Variants in MND1 observed in about 807,000 individuals in gnomAD.
MND1 encodes the protein meiotic nuclear divisions 1.
Under a neutral mutation model 35.1 loss-of-function variants are expected in MND1, and 28 were observed. The ratio of observed to expected loss-of-function variants is 0.80; its 90% confidence interval spans 0.59 to 1.09. The LOEUF (loss-of-function observed/expected upper bound fraction) is 1.09. MND1 is among the 50% of genes least tolerant of loss of function. The pLI is 0.00. For synonymous variants in MND1, 69 were observed against 70.5 expected (o/e 0.98, Z 0.11); for missense variants, 213 against 239.6 (o/e 0.89, Z 0.73).
At chr4:153,397,179 T>C (rs1729218222) in intron 5 of MND1, 40 bp from the exon 6 acceptor site, 3 of 1,395,698 alleles carry the variant, frequency 2.1e-6, no homozygotes, top group Non-Finnish European at 3.0e-6. Context: ...ATATAGAATT[T>C]TGTTTGTCTT....
chr4:153,393,532 T>C (rs560465276), intron 4 of MND1, among the ~76,000 whole-genome samples: 1 of 152,082 alleles, frequency 6.6e-6, no homozygotes, highest in Admixed American at 6.6e-5. Context: ...GCTCATGCCA[T>C]CACGCTTGGC....
intron 4 of MND1, 106 bp from the exon 5 acceptor site, chr4:153,394,156 G>T (rs1729133305): frequency 2.3e-6 from 2 of 884,818 alleles, no homozygotes; most frequent in Non-Finnish European, 3.6e-6. Context: ...TCGGCCTGGG[G>T]CGAGTGCTGG....
At chr4:153,397,466 A>G in intron 6 of MND1, 133 bp downstream of exon 6, 1 of 585,880 alleles carries the variant, frequency 1.7e-6, no homozygotes, top group Non-Finnish European at 2.9e-6. Context: ...TGTTTGTAGT[A>G]CTCTAATTTT....
At chr4:153,368,030 G>A (rs953814967) in intron 4 of MND1, among the ~76,000 whole-genome samples, 10 of 152,002 alleles carry the variant, frequency 6.6e-5, no homozygotes, top group African/African-American at 1.5e-4. Flanking sequence ...TCTCTTAAAC[G>A]TGATGCTGTA....
At chr4:153,391,278 C>T (rs929422854) in intron 4 of MND1, among the ~76,000 whole-genome samples, 11 of 152,022 alleles carry the variant, frequency 7.2e-5, no homozygotes, top group Non-Finnish European at 1.5e-4. Context: ...ATTCTTGTGC[C>T]TCAGCCTCTC....
intron 4 of MND1, among the ~76,000 whole-genome samples, chr4:153,359,152 A>G (rs1182061952): frequency 6.6e-6 from 1 of 152,220 alleles, no homozygotes; most frequent in Non-Finnish European, 1.5e-5. Flanking sequence ...AGTATTGTAC[A>G]GAATAGTTTC....
chr4:153,390,622 T>G (rs6535916), intron 4 of MND1, among the ~76,000 whole-genome samples: 50,307 of 151,868 alleles, frequency 0.33, 9,657 homozygotes, highest in African/African-American at 0.53. Context: ...CCAGGTGCAC[T>G]AATTGCTCGA....
chr4:153,350,216 A>G (rs919766930), intron 2 of MND1, 87 bp downstream of exon 2: 2 of 912,522 alleles, frequency 2.2e-6, no homozygotes, highest in African/African-American at 3.3e-5. Flanking sequence ...CCTCTTTGTT[A>G]AACATCAATA....
At chr4:153,370,186 A>G (rs1579915753) in intron 4 of MND1, among the ~76,000 whole-genome samples, 1 of 151,994 alleles carries the variant, frequency 6.6e-6, no homozygotes, top group Non-Finnish European at 1.5e-5. Context: ...GGAGGCTGAG[A>G]CAGGAGAATC....
intron 6 of MND1, among the ~76,000 whole-genome samples, chr4:153,404,766 A>T (rs542107346): frequency 1.8e-4 from 27 of 152,130 alleles, no homozygotes; most frequent in Non-Finnish European, 3.2e-4. Flanking sequence ...GGCATGAGCC[A>T]CCACACCTGG....
chr4:153,352,491 A>G (rs1003352568), intron 2 of MND1, among the ~76,000 whole-genome samples: 15 of 152,178 alleles, frequency 9.9e-5, no homozygotes, highest in African/African-American at 3.6e-4. Flanking sequence ...CTTAAAGAAG[A>G]TGATAATAGT....
In MND1 at chr4:153,348,676, C is replaced by CTTTGT. The variant is rs1773134566; in HGVS notation, c.4-1373_4-1369dup. 5.9e-5 allele frequency among the ~76,000 whole-genome samples: 9 copies of CTTTGT among 151,782 alleles called. No homozygotes were observed. The South Asian group carries it at 1.9e-3, about 32-fold the overall frequency. On this transcript the variant is annotated intron_variant, in intron 1 of 7. Coordinates refer to ENST00000240488, the MANE Select transcript of MND1 (RefSeq NM_032117.4). Reference sequence around the variant, plus strand: ...TGTTGTTTTTTTTTGTGTGTGTGGGCTTTGTTTTGTTTTGTTTTGAGACAG... The same window carrying CTTTGT: ...TGTTGTTTTTTTTTGTGTGTGTGGGCTTTGTTTTGTTTTGTTTTGTTTTGAGACAG...
rs781084424 is a variant in MND1 at position 153,360,901 on chromosome 4, G to A, written c.276+2279G>A. ...GTCACCCAGTCTGGAGTGTAGTGTC[G>A]CAAACATGGCTCACTGCAGCCTCGA... is the stretch of plus-strand genomic sequence containing the variant. On this transcript the variant is annotated intron_variant, in intron 4 of 7. Transcript: ENST00000240488. 1.1e-3 allele frequency among the ~76,000 whole-genome samples: 163 copies of A among 151,978 alleles called. 2 individuals carry two copies. Among genetic ancestry groups the A allele is most frequent in the South Asian group, 2.3e-3 (11 of 4,824 alleles).
rs371204962 is a variant in MND1 at position 153,391,755 on chromosome 4, T to C, written c.277-2507T>C. 2.1e-3 allele frequency among the ~76,000 whole-genome samples: 145 copies of C among 70,146 alleles called. No individual in the cohort carries two copies. The South Asian group carries it at 0.037, about 18-fold the overall frequency. The allele number at this position is 70,146 out of a possible 152,430, so 46.0% of individuals were successfully genotyped here. A position where few individuals can be genotyped will look rare whatever the true frequency, so the allele number is the denominator to read the frequency against. On this transcript the variant is annotated intron_variant, in intron 4 of 7. Transcript: ENST00000240488. ...ACACACACACACACACACACATACA[T>C]ACATATATATATCACACAGCAGATT... is the stretch of plus-strand genomic sequence containing the variant.
chr4:153,387,741 C>A (rs1409342484), intron 4 of MND1, among the ~76,000 whole-genome samples: 2 of 152,034 alleles, frequency 1.3e-5, no homozygotes, highest in Non-Finnish European at 2.9e-5. Context: ...CAGAACGAGA[C>A]CCTGTCACAA....
intron 4 of MND1, among the ~76,000 whole-genome samples, chr4:153,387,211 G>A (rs1214421326): frequency 2.0e-5 from 3 of 151,960 alleles, no homozygotes; most frequent in Non-Finnish European, 4.4e-5. Context: ...TTGTATTATA[G>A]TTTTCCTTCT....
rs540758703 is a variant in MND1, at chr4:153,396,281, C to T, written c.352-938C>T. Among the ~76,000 whole-genome samples, 6 of 152,224 alleles carry T rather than the reference C, an allele frequency of 3.9e-5. 1 individual carries two copies. In the South Asian group the frequency reaches 1.0e-3, roughly 26 times the overall value. On this transcript the variant is annotated intron_variant, in intron 5 of 7. Transcript: ENST00000240488. The stretch of plus-strand genomic sequence containing the variant: ...GAGTGCAGATCTAGAAAGTTTTCCT[C>T]ACTGCTGAGATTCTGCTGGGCCGTG...
intron 6 of MND1, among the ~76,000 whole-genome samples, chr4:153,406,168 C>T (rs1041343926): frequency 2.0e-5 from 3 of 152,004 alleles, no homozygotes; most frequent in Non-Finnish European, 4.4e-5. Context: ...GCAGAAACAA[C>T]CACAGAAAAA....
At chr4:153,354,643 C>T (rs1773296661) in intron 2 of MND1, among the ~76,000 whole-genome samples, 1 of 152,152 alleles carries the variant, frequency 6.6e-6, no homozygotes, top group South Asian at 2.1e-4. Flanking sequence ...TCTAGGACTA[C>T]AGGCACGCAC....
Sources: gnomAD v4.1 joint callset for allele counts (sites outside exome capture counted in the v4.1 genomes callset) on GRCh38, gnomAD v4.1.1 for gene constraint, MANE v1.5 for transcripts, NCBI Gene and HGNC (gene_info 2026-07-23, HGNC 2026-07-21) for gene names.